Variants in GPD1L observed in about 807,000 individuals in gnomAD.
GPD1L encodes the protein glycerol-3-phosphate dehydrogenase 1 like.
A neutral mutation model predicts 32.9 loss-of-function variants in GPD1L; 17 were observed. The observed-to-expected ratio is 0.52, with a 90% CI of 0.35 to 0.78. The LOEUF (loss-of-function observed/expected upper bound fraction) is 0.78. Ranked by LOEUF, GPD1L falls within the 30% of genes least tolerant of loss-of-function variation. GPD1L has a pLI of 0.01. For synonymous variants in GPD1L, 187 were observed against 165.9 expected (o/e 1.13, Z -0.98); for missense variants, 361 against 447.8 (o/e 0.81, Z 1.75).
intron 1 of GPD1L, among the ~76,000 whole-genome samples, chr3:32,114,162 G>A (rs1040800701): frequency 6.6e-6 from 1 of 152,208 alleles, no homozygotes; most frequent in Non-Finnish European, 1.5e-5. Context: ...GCCTGGCTGG[G>A]ACTCTTGGTC....
chr3:32,139,535 T>G (rs912230484), intron 3 of GPD1L, among the ~76,000 whole-genome samples: 1 of 152,232 alleles, frequency 6.6e-6, no homozygotes. Context: ...ATTCTGAGAA[T>G]GAGTCCATAA....
intron 5 of GPD1L, among the ~76,000 whole-genome samples, chr3:32,150,683 TG>T (rs1700906948): frequency 6.6e-6 from 1 of 152,112 alleles, no homozygotes; most frequent in African/African-American, 2.4e-5. Context: ...GATAGGGTTT[TG>T]CCATGTTGGC....
At chr3:32,107,023 C>A (rs1297190225) in intron 1 of GPD1L, among the ~76,000 whole-genome samples, 1 of 152,226 alleles carries the variant, frequency 6.6e-6, no homozygotes, top group Non-Finnish European at 1.5e-5. Flanking sequence ...TGTCTGCGCC[C>A]CCGTTACTGA....
In GPD1L at chr3:32,166,442, A is replaced by G. The variant is rs554826884; in HGVS notation, c.*532A>G. The G allele has an allele frequency of 2.1e-4, 35 of 162,858 alleles. No homozygotes were observed. Among genetic ancestry groups the G allele is most frequent in the Non-Finnish European group, 2.8e-4 (21 of 74,638 alleles). The allele number at this position is 162,858 out of a possible 1,614,324, so 10.1% of individuals were successfully genotyped here. On this transcript the variant is annotated 3_prime_UTR_variant, in exon 8 of 8. Transcript: ENST00000282541. Reference sequence around the variant, plus strand: ...GTGGGCTGACCTTTGTTTTTTTAACAATCAGGCATTTTTAATTAGATAATC... The same window carrying G: ...GTGGGCTGACCTTTGTTTTTTTAACGATCAGGCATTTTTAATTAGATAATC...
chr3:32,150,067 A>T (rs530183491), intron 5 of GPD1L, among the ~76,000 whole-genome samples: 1 of 152,232 alleles, frequency 6.6e-6, no homozygotes, highest in Non-Finnish European at 1.5e-5. Context: ...AGTACACAAC[A>T]TTTCCATTAT....
rs1700170354 is a variant in GPD1L, at chr3:32,106,720, G to A, written c.9G>A (p.Ala3=). 4.5e-6 allele frequency: 7 copies of A among 1,563,256 alleles called. No homozygotes were observed. Among genetic ancestry groups the A allele is most frequent in the Non-Finnish European group, 5.2e-6 (6 of 1,155,918 alleles). The part of the protein sequence containing the change: MA[A]APLKVCIVGS... ...CTACATTCGGCCCGGCCATGGCAGC[G>A]GCGCCCCTGAAAGTGTGCATCGTGG... Residue 3 remains alanine, a synonymous_variant, in exon 1 of 8, where the codon GCG becomes GCA. Coordinates refer to ENST00000282541, the MANE Select transcript of GPD1L (RefSeq NM_015141.4). This position sits in a 1 kb window ranked among gnomAD's most constrained non-coding sequence, Gnocchi z 4.0.
chr3:32,125,794 A>G (rs1283128185), intron 1 of GPD1L, among the ~76,000 whole-genome samples: 1 of 152,212 alleles, frequency 6.6e-6, no homozygotes, highest in Non-Finnish European at 1.5e-5. Flanking sequence ...GGCCCAATGC[A>G]TTACGCATAG....
At chr3:32,147,875 G>A (rs757328343) in intron 5 of GPD1L, among the ~76,000 whole-genome samples, 5 of 152,214 alleles carry the variant, frequency 3.3e-5, no homozygotes, top group Admixed American at 2.0e-4. Context: ...TTAACATTGT[G>A]TATATATGTG....
chr3:32,161,709 G>A (rs145929782), intron 7 of GPD1L, among the ~76,000 whole-genome samples: 6 of 152,284 alleles, frequency 3.9e-5, no homozygotes, highest in African/African-American at 1.2e-4. Flanking sequence ...TCAAAAGCAG[G>A]TGTAATCAAG....
chr3:32,158,434 T>C (rs1701023832), intron 5 of GPD1L: 1 of 223,804 alleles, frequency 4.5e-6, no homozygotes, highest in South Asian at 6.2e-5. Context: ...CTTTTCTCCT[T>C]GATCAGTGTG....
chr3:32,111,815 C>CT (rs113395943), intron 1 of GPD1L, among the ~76,000 whole-genome samples: 3,237 of 143,796 alleles, frequency 0.023, 52 homozygotes, highest in Non-Finnish European at 0.032. Context: ...GTGACTCTGT[C>CT]TTTTTTTTTT....
intron 7 of GPD1L, among the ~76,000 whole-genome samples, chr3:32,163,161 CTTTTTTTTTTTTT>C (rs34385950): frequency 2.6e-5 from 2 of 78,060 alleles, no homozygotes; most frequent in South Asian, 1.1e-3. Flanking sequence ...CTGGTTTGTC[CTTTTTTTTTTTTT>C]TTTTTTTTTT....
At chr3:32,126,483 T>A (rs563595457) in intron 1 of GPD1L, among the ~76,000 whole-genome samples, 83 of 152,328 alleles carry the variant, frequency 5.4e-4, no homozygotes, top group African/African-American at 1.5e-3. Context: ...GAAAGTTACT[T>A]GATGCCAGGG....
intron 2 of GPD1L, among the ~76,000 whole-genome samples, chr3:32,129,764 A>G (rs59578574): frequency 0.056 from 8,600 of 152,232 alleles, 429 homozygotes; most frequent in East Asian, 0.15. Flanking sequence ...AAGTTGTCCA[A>G]ATATCTGCTG....
At chr3:32,130,369 A>G (rs973256928) in intron 2 of GPD1L, among the ~76,000 whole-genome samples, 10 of 152,174 alleles carry the variant, frequency 6.6e-5, no homozygotes, top group African/African-American at 2.4e-4. Flanking sequence ...GTAGCCACCT[A>G]AAAGTACAGT....
At chr3:32,164,569 C>T (rs1354671945) in intron 7 of GPD1L, among the ~76,000 whole-genome samples, 1 of 152,206 alleles carries the variant, frequency 6.6e-6, no homozygotes, top group East Asian at 1.9e-4. Flanking sequence ...TGCAGCAAGG[C>T]TGTGTATCCA....
chr3:32,151,834 T>C (rs1472544243), intron 5 of GPD1L: 1 of 153,070 alleles, frequency 6.5e-6, no homozygotes, highest in Non-Finnish European at 1.5e-5. Context: ...AACTTCATGC[T>C]TTCTAAAAGG....
intron 5 of GPD1L, among the ~76,000 whole-genome samples, chr3:32,154,833 C>T (rs560673602): frequency 1.0e-3 from 156 of 152,044 alleles, no homozygotes; most frequent in Non-Finnish European, 1.5e-3. Flanking sequence ...CTGCAACCTC[C>T]GCCTCCCCAG....
At chr3:32,155,379 A>G (rs900946225) in intron 5 of GPD1L, among the ~76,000 whole-genome samples, 2 of 152,216 alleles carry the variant, frequency 1.3e-5, no homozygotes, top group Non-Finnish European at 1.5e-5. Context: ...GAAGGCACGT[A>G]ATAAATAAGT....
Sources: allele counts gnomAD v4.1 joint callset (sites outside exome capture counted in the v4.1 genomes callset), GRCh38; gene constraint gnomAD v4.1.1; non-coding constraint Gnocchi (gnomAD v3.1); transcripts MANE v1.5; gene names NCBI Gene and HGNC (gene_info 2026-07-23, HGNC 2026-07-21).